Variants in MYH13 observed in about 807,000 individuals in gnomAD.
MYH13 encodes myosin heavy chain 13.
MYH13 carries 177 observed loss-of-function variants against 232.1 expected under a neutral mutation model. That is an observed-to-expected ratio of 0.76 (90% CI 0.67 to 0.86). The LOEUF (loss-of-function observed/expected upper bound fraction) is 0.86, where lower values mean the gene tolerates loss of function less well. MYH13 is among the 40% of genes least tolerant of loss of function. MYH13 has a pLI of 0.00. For synonymous variants in MYH13, 884 were observed against 923.5 expected (o/e 0.96, Z 0.78); for missense variants, 2,246 against 2,405.9 (o/e 0.93, Z 1.39).
chr17:10,343,848 G>A lies in MYH13; in HGVS notation c.1846C>T (p.Leu616=), dbSNP rs2071638046. 1 of 1,610,990 alleles carries A rather than the reference G, an allele frequency of 6.2e-7. No homozygotes were observed. The highest frequency in any genetic ancestry group is 1.1e-5 in the South Asian group (1 of 90,888). ...TVVGLYQKSS[L]KLLSFLFSNY... is the part of the protein sequence containing the mutation. ...GAAAAAAGGAAGGAGAGAAGCTTCA[G>A]CGAAGACTTCTGGTACAGCCCCACC... Residue 616 remains leucine (L), a synonymous_variant, in exon 16 of 41, where the codon CTG becomes TTG. Transcript: ENST00000252172.
At chr17:10,365,974 G>A (rs548331820) in intron 2 of MYH13, among the ~76,000 whole-genome samples, 2 of 150,990 alleles carry the variant, frequency 1.3e-5, no homozygotes, top group East Asian at 2.0e-4. Context: ...TGCCTTTCTT[G>A]CTCTTCTCTT....
chr17:10,310,515 G>A (rs143215306), intron 33 of MYH13, among the ~76,000 whole-genome samples: 2 of 152,240 alleles, frequency 1.3e-5, no homozygotes, highest in African/African-American at 2.4e-5. Context: ...ACTTTGCATC[G>A]CTCATGAACA....
intron 35 of MYH13, 41 bp downstream of exon 35, chr17:10,309,193 C>T (rs1309912626): frequency 6.3e-7 from 1 of 1,594,284 alleles, no homozygotes; most frequent in Admixed American, 1.7e-5. Context: ...CGCTATCTGC[C>T]CCAGGGTGGA....
At chr17:10,362,992 C>A (rs778785224) in intron 3 of MYH13, among the ~76,000 whole-genome samples, 5 of 152,164 alleles carry the variant, frequency 3.3e-5, no homozygotes, top group Non-Finnish European at 5.9e-5. Flanking sequence ...GACCCATCTC[C>A]TCTCTCCCCT....
In MYH13 at chr17:10,344,026, G is replaced by T; in HGVS notation, c.1668C>A (p.Asp556Glu). The T allele has an allele frequency of 6.2e-7, 1 of 1,614,242 alleles. No homozygotes were observed. Among genetic ancestry groups the T allele is most frequent in the Non-Finnish European group, 8.5e-7 (1 of 1,180,044 alleles). ...AGTTGTTGGATTTTCCAAGATGCTG[G>T]TCATACAGCTTGTTCTTGAAGGAGG... ...TDTSFKNKLY[D>E]QHLGKSNNFQ... The change falls in exon 16 of 41, where the codon GAC becomes GAA. Residue 556 changes from aspartate (D) to glutamate (E), a missense_variant. Physicochemically the swap from Asp to Glu is conservative, Grantham distance 45 (BLOSUM62 2). Coordinates refer to ENST00000252172, the MANE Select transcript of MYH13 (RefSeq NM_003802.3).
Position 10,362,432 on chromosome 17 carries a change from G to A in MYH13, c.276C>T (p.Ala92=), listed in dbSNP as rs1488296941. Residue 92 remains alanine, a synonymous_variant, in exon 4 of 41, where the codon GCC becomes GCT. Transcript: ENST00000252172. ...CAGGTTCATGCAGGTGAGTCATCAT[G>A]GCCATGTCCTCGATCTTGTCAAATT... ...PPKFDKIEDM[A]MMTHLHEPAV... is the part of the protein sequence containing the mutation. 3 of 1,614,076 alleles carry A rather than the reference G, an allele frequency of 1.9e-6. No homozygotes were observed. In the African/African-American group the frequency reaches 4.0e-5, roughly 22 times the overall value.
intron 13 of MYH13, among the ~76,000 whole-genome samples, chr17:10,346,185 C>G (rs1328951548): frequency 6.6e-6 from 1 of 152,114 alleles, no homozygotes; most frequent in Non-Finnish European, 1.5e-5. Context: ...GCACATGACT[C>G]CAGCCCCTGG....
At position 10,354,794 on chromosome 17, in the gene MYH13, C is replaced by T. The variant is rs779406026; in HGVS notation, c.902-11G>A. The T allele has an allele frequency of 2.7e-5, 43 of 1,612,194 alleles. No homozygotes were observed. Among genetic ancestry groups the T allele is most frequent in the Middle Eastern group, 1.6e-4 (1 of 6,080 alleles). ...AGATCAGAAGCAGGTCTGTGAAACA[C>T]AGATATCCCTTTAATGGCTTATGCA... On this transcript the variant is annotated splice_polypyrimidine_tract_variant and intron_variant, in intron 10 of 40. Coordinates refer to ENST00000252172, the MANE Select transcript of MYH13 (RefSeq NM_003802.3).
chr17:10,318,786 G>A lies in MYH13; in HGVS notation c.3738+4C>T, dbSNP rs1347408085. ...CTCCAAGAGCAGAAGGGCCAGTCAG[G>A]TACCTTTGACTTGGAGAGAGCCTCG... On this transcript the variant is annotated splice_donor_region_variant and intron_variant, in intron 27 of 40. Coordinates refer to ENST00000252172, the MANE Select transcript of MYH13 (RefSeq NM_003802.3). 6.2e-7 allele frequency: 1 copy of A among 1,613,928 alleles called. No individual in the cohort carries two copies. Among genetic ancestry groups the A allele is most frequent in the East Asian group, 2.2e-5 (1 of 44,854 alleles).
intron 23 of MYH13, 75 bp from the exon 24 acceptor site, chr17:10,321,783 C>A: frequency 7.3e-7 from 1 of 1,364,076 alleles, no homozygotes; most frequent in Non-Finnish European, 1.0e-6. Context: ...GCTATTGCTT[C>A]TTTGCTCATT....
chr17:10,354,452 G>C (rs1313840259), intron 11 of MYH13, among the ~76,000 whole-genome samples: 2 of 152,176 alleles, frequency 1.3e-5, no homozygotes, highest in Admixed American at 6.5e-5. Context: ...AGAACTGAAG[G>C]CCTGCTTTGG....
rs12452923 is a variant in MYH13 at position 10,326,795 on chromosome 17, T to C, written c.2691+1071A>G. Reference sequence around the variant, plus strand: ...TCCAGCCTATACTGCCCCATTTCTTTGATAAAACTATGTATCTTTAAAGCA... The same window carrying C: ...TCCAGCCTATACTGCCCCATTTCTTCGATAAAACTATGTATCTTTAAAGCA... On this transcript the variant is annotated intron_variant, in intron 22 of 40. Transcript: ENST00000252172. Among the ~76,000 whole-genome samples the C allele has an allele frequency of 1.1e-4, 16 of 149,930 alleles. No homozygotes were observed. In the Admixed American group the frequency reaches 1.1e-3, roughly 10 times the overall value.
intron 11 of MYH13, among the ~76,000 whole-genome samples, chr17:10,353,803 G>A (rs1835822881): frequency 6.6e-6 from 1 of 152,118 alleles, no homozygotes; most frequent in South Asian, 2.1e-4. Context: ...AACCCAGGAG[G>A]CGGAGGTTGC....
At chr17:10,331,835 C>T (rs144237671) in intron 20 of MYH13, among the ~76,000 whole-genome samples, 2 of 152,108 alleles carry the variant, frequency 1.3e-5, no homozygotes, top group Non-Finnish European at 1.5e-5. Context: ...TCTTTCTTAC[C>T]TCTGGGACAC....
At position 10,306,984 on chromosome 17, in the gene MYH13, CT is replaced by C; in HGVS notation, c.5249del (p.Gln1750ArgfsTer19). 6.2e-7 allele frequency: 1 copy of C among 1,614,036 alleles called. No homozygotes were observed. The highest frequency in any genetic ancestry group is 2.2e-5 in the East Asian group (1 of 44,892). ...QCQAEVENSI[Q>X]ESRNAEEKAK... ...CCTTCTCCTCTGCGTTCCTGGACTC[CT>C]GGATCGAGTTCTCCACCTCTGCCTG... On this transcript the variant is annotated frameshift_variant, in exon 36 of 41. Transcript: ENST00000252172. LOFTEE classifies it high-confidence loss of function. This position sits in a 1 kb window ranked among gnomAD's most constrained non-coding sequence, Gnocchi z 4.3.
intron 39 of MYH13, 87 bp downstream of exon 39, chr17:10,303,109 G>A (rs1906152838): frequency 1.2e-5 from 14 of 1,162,158 alleles, no homozygotes; most frequent in Non-Finnish European, 1.8e-5. Context: ...AGGCTCAGGG[G>A]ACTTTACCAA....
chr17:10,324,878 C>G (rs1244352504), intron 22 of MYH13: 2 of 149,342 alleles, frequency 1.3e-5, no homozygotes, highest in Non-Finnish European at 2.9e-5. Context: ...AGCTAAAGTG[C>G]AGTGGTGTGA....
Position 10,364,419 on chromosome 17 carries a change from A to G in MYH13, c.112T>C (p.Cys38Arg). Reference sequence around the variant, plus strand: ...ATTTCCTTATTATCCGCTACAAAGCAGGCTTTCTTGGAATCGAATGGACGA... The same window carrying G: ...ATTTCCTTATTATCCGCTACAAAGCGGGCTTTCTTGGAATCGAATGGACGA... ...QNRPFDSKKA[C>R]FVADNKEMYV... Residue 38 changes from cysteine (C) to arginine (R), a missense_variant, in exon 3 of 41, where the codon TGC (cysteine) becomes CGC (arginine). Transcript: ENST00000252172. 1 of 1,613,816 alleles carries G rather than the reference A, an allele frequency of 6.2e-7. No individual in the cohort carries two copies. The highest frequency in any genetic ancestry group is 2.2e-5 in the East Asian group (1 of 44,892).
In MYH13 at chr17:10,324,155, T is replaced by G; in HGVS notation, c.2801A>C (p.Glu934Ala). The change falls in exon 23 of 41, where the codon GAG becomes GCG. Residue 934 changes from glutamate (E) to alanine (A), a missense_variant. By Grantham distance (107) the Glu-to-Ala change is moderately radical (BLOSUM62 -1). Coordinates refer to ENST00000252172, the MANE Select transcript of MYH13 (RefSeq NM_003802.3). ...GGCAACCAATTCAGAATTCATCTCC[T>G]CTTCCTCTTCCAATCTCTCCGTCAG... ...KELTERLEEE[E>A]EMNSELVAKK... 6.2e-7 allele frequency: 1 copy of G among 1,613,970 alleles called. No homozygotes were observed. Among genetic ancestry groups the G allele is most frequent in the Non-Finnish European group, 8.5e-7 (1 of 1,179,884 alleles).
Sources: allele counts gnomAD v4.1 joint callset (sites outside exome capture counted in the v4.1 genomes callset), GRCh38; gene constraint gnomAD v4.1.1; non-coding constraint Gnocchi (gnomAD v3.1); transcripts MANE v1.5; gene names NCBI Gene and HGNC (gene_info 2026-07-23, HGNC 2026-07-21).